TDP1: variants seen among roughly 807,000 people sequenced by gnomAD.
TDP1 encodes the protein tyrosyl-DNA phosphodiesterase 1, also known as tyr-DNA phosphodiesterase 1.
A neutral mutation model predicts 81.5 loss-of-function variants in TDP1; 64 were observed. The observed-to-expected ratio is 0.79, with a 90% CI of 0.64 to 0.97. The LOEUF is 0.97. Ranked by LOEUF, TDP1 falls within the 50% of genes least tolerant of loss-of-function variation. The pLI is 0.00. For synonymous variants in TDP1, 256 were observed against 264.3 expected (o/e 0.97, Z 0.30); for missense variants, 723 against 743.8 (o/e 0.97, Z 0.33).
intron 7 of TDP1, among the ~76,000 whole-genome samples, chr14:89,976,350 T>G (rs533452477): frequency 6.6e-6 from 1 of 152,216 alleles, no homozygotes; most frequent in Admixed American, 6.5e-5. Context: ...ACCTCCTGCC[T>G]TAGCCTCTCA....
At chr14:89,964,819 C>T (rs1167863327) in intron 3 of TDP1, 1 of 428,184 alleles carries the variant, frequency 2.3e-6, no homozygotes, top group African/African-American at 2.1e-5. Context: ...ATGATAGGAG[C>T]TCTTACATAT....
rs558746085 is a variant in TDP1 at position 90,004,391 on chromosome 14, A to G, written c.1541+10908A>G. On this transcript the variant is annotated intron_variant, in intron 14 of 16. Coordinates refer to ENST00000335725, the MANE Select transcript of TDP1 (RefSeq NM_018319.4). ...CCAAAGAAAGCCTCTCACAAGTAATATAGCAAATACTTGTATGGTGCTTAC... is the reference window on the plus strand; with the variant it reads ...CCAAAGAAAGCCTCTCACAAGTAATGTAGCAAATACTTGTATGGTGCTTAC... Among the ~76,000 whole-genome samples the G allele has an allele frequency of 3.3e-5, 5 of 152,336 alleles. No individual in the cohort carries two copies. In the East Asian group the frequency reaches 5.8e-4, roughly 18 times the overall value.
At chr14:89,993,000 C>A in intron 13 of TDP1, 1 of 937,134 alleles carries the variant, frequency 1.1e-6, no homozygotes, top group Non-Finnish European at 1.3e-6. Context: ...TTTTGCTGAG[C>A]CTCTACTCAT....
At chr14:90,036,350 T>C (rs1299433626) in intron 16 of TDP1, among the ~76,000 whole-genome samples, 1 of 152,136 alleles carries the variant, frequency 6.6e-6, no homozygotes, top group Non-Finnish European at 1.5e-5. Flanking sequence ...TTTACCAAGA[T>C]TGAAAAAGTA....
intron 15 of TDP1, among the ~76,000 whole-genome samples, chr14:90,031,111 T>A (rs1281632913): frequency 6.6e-6 from 1 of 151,898 alleles, no homozygotes; most frequent in Non-Finnish European, 1.5e-5. Flanking sequence ...TTTTTTTAAA[T>A]TTTATTATTA....
intron 7 of TDP1, among the ~76,000 whole-genome samples, chr14:89,977,328 C>T (rs1022790914): frequency 6.6e-6 from 1 of 152,068 alleles, no homozygotes; most frequent in Non-Finnish European, 1.5e-5. Flanking sequence ...GAGACAGTCT[C>T]GCTCTGTTGC....
chr14:90,013,080 G>A (rs1884907643), intron 14 of TDP1, among the ~76,000 whole-genome samples: 1 of 152,206 alleles, frequency 6.6e-6, no homozygotes, highest in African/African-American at 2.4e-5. Flanking sequence ...ATTGTATTTA[G>A]GAAGTAACTG....
chr14:89,971,416 C>A (rs955174836), intron 6 of TDP1, 145 bp downstream of exon 6: 1 of 710,676 alleles, frequency 1.4e-6, no homozygotes, highest in African/African-American at 1.8e-5. Flanking sequence ...AGCTTAAACA[C>A]TTCCTGAGAT....
At chr14:89,960,567 A>G (rs1222270894) in intron 2 of TDP1, among the ~76,000 whole-genome samples, 1 of 152,242 alleles carries the variant, frequency 6.6e-6, no homozygotes, top group African/African-American at 2.4e-5. Context: ...AGCAGATATG[A>G]GGGCTCAAAA....
chr14:89,974,196 G>A (rs1365320829), intron 6 of TDP1, among the ~76,000 whole-genome samples: 1 of 152,136 alleles, frequency 6.6e-6, no homozygotes, highest in Non-Finnish European at 1.5e-5. Flanking sequence ...TCATCCTAGA[G>A]TTTACTAAAG....
intron 15 of TDP1, among the ~76,000 whole-genome samples, chr14:90,025,293 G>A (rs1486118434): frequency 6.6e-6 from 1 of 152,234 alleles, no homozygotes; most frequent in Non-Finnish European, 1.5e-5. Flanking sequence ...AATACAGCAG[G>A]TGGAGAACCA....
At chr14:89,976,502 T>G (rs1382151167) in intron 7 of TDP1, among the ~76,000 whole-genome samples, 2 of 150,972 alleles carry the variant, frequency 1.3e-5, no homozygotes, top group Non-Finnish European at 3.0e-5. Flanking sequence ...ACACACATAC[T>G]TTGCAGGTTA....
rs771186769 is a variant in TDP1 at position 90,019,089 on chromosome 14, G to A, written c.1542-227G>A. 1,077 of 984,500 alleles carry A rather than the reference G, an allele frequency of 1.1e-3. 2 individuals carry two copies. Among genetic ancestry groups the A allele is most frequent in the Non-Finnish European group, 1.3e-3 (1,051 of 829,208 alleles). The allele number at this position is 984,500 out of a possible 1,614,324, so 61.0% of individuals were successfully genotyped here. On this transcript the variant is annotated intron_variant, in intron 14 of 16. Transcript: ENST00000335725. ...TTTTAATAGCTGCCCTCAGGAAAATGCAGATGAGGGTGAAACTATCCCAAA... is the reference window on the plus strand; with the variant it reads ...TTTTAATAGCTGCCCTCAGGAAAATACAGATGAGGGTGAAACTATCCCAAA...
At chr14:89,983,804 A>G (rs1895264501) in intron 8 of TDP1, among the ~76,000 whole-genome samples, 1 of 152,204 alleles carries the variant, frequency 6.6e-6, no homozygotes, top group Non-Finnish European at 1.5e-5. Flanking sequence ...AAGTTTTGGC[A>G]AAGAGCATTG....
intron 14 of TDP1, among the ~76,000 whole-genome samples, chr14:90,007,503 C>T (rs574404322): frequency 1.3e-5 from 2 of 152,238 alleles, no homozygotes; most frequent in East Asian, 1.9e-4. Flanking sequence ...GCATGAAAAT[C>T]GCTTGAACCC....
chr14:89,961,463 T>C (rs969166481), intron 2 of TDP1, among the ~76,000 whole-genome samples: 11 of 152,332 alleles, frequency 7.2e-5, no homozygotes, highest in African/African-American at 2.6e-4. Context: ...TTGTGGAAGG[T>C]AGAACATAGT....
chr14:89,994,941 A>G (rs973498664), intron 14 of TDP1, among the ~76,000 whole-genome samples: 8 of 152,260 alleles, frequency 5.3e-5, no homozygotes, highest in Admixed American at 5.2e-4. Flanking sequence ...ACAGGTTCAG[A>G]TACCTTTGGC....
intron 3 of TDP1, among the ~76,000 whole-genome samples, chr14:89,964,449 A>C (rs1892696861): frequency 6.6e-6 from 1 of 152,198 alleles, no homozygotes; most frequent in African/African-American, 2.4e-5. Context: ...AAATGGGAGC[A>C]AATATATGAA....
chr14:89,999,192 G>A (rs549653642), intron 14 of TDP1, among the ~76,000 whole-genome samples: 49 of 152,216 alleles, frequency 3.2e-4, no homozygotes, highest in African/African-American at 1.2e-3. Flanking sequence ...CCAAGTCCTA[G>A]TGAAAGCTGA....
Sources: gnomAD v4.1 joint callset for allele counts (sites outside exome capture counted in the v4.1 genomes callset) on GRCh38, gnomAD v4.1.1 for gene constraint, MANE v1.5 for transcripts, NCBI Gene and HGNC (gene_info 2026-07-23, HGNC 2026-07-21) for gene names.